The following SEPHS1 variants were observed in gnomAD, a reference collection of about 807,000 sequenced individuals.
The protein encoded by SEPHS1 is zincore component SEPHS1.
A neutral mutation model predicts 39.2 loss-of-function variants in SEPHS1; 7 were observed. That is an observed-to-expected ratio of 0.18 (90% CI 0.10 to 0.34). The LOEUF is 0.34. Among genes scored for constraint, SEPHS1 ranks in the 10% least tolerant of loss-of-function variants. SEPHS1 has a pLI of 1.00. For synonymous variants in SEPHS1, 190 were observed against 195.5 expected (o/e 0.97, Z 0.23); for missense variants, 253 against 514.5 (o/e 0.49, Z 4.92).
chr10:13,340,093 C>A (rs186363665), intron 2 of SEPHS1, among the ~76,000 whole-genome samples: 128 of 152,196 alleles, frequency 8.4e-4, no homozygotes, highest in Non-Finnish European at 4.0e-4. Context: ...ACTAAAACGA[C>A]CTTTAATATT....
At chr10:13,338,897 A>G (rs765493987) in intron 2 of SEPHS1, 89 bp from the exon 3 acceptor site, 1 of 955,204 alleles carries the variant, frequency 1.0e-6, no homozygotes, top group African/African-American at 1.6e-5. Context: ...GGAAGAGCTC[A>G]TAAGATACTT....
At chr10:13,320,875 G>T (rs942081790) in intron 8 of SEPHS1, among the ~76,000 whole-genome samples, 3 of 152,140 alleles carry the variant, frequency 2.0e-5, no homozygotes, top group African/African-American at 7.2e-5. Context: ...AAATTTAAAT[G>T]GCTGGTAACA....
chr10:13,326,507 G>A (rs1450204330), intron 7 of SEPHS1, among the ~76,000 whole-genome samples: 1 of 150,088 alleles, frequency 6.7e-6, no homozygotes, highest in Non-Finnish European at 1.5e-5. Flanking sequence ...ACTATAATAT[G>A]GACCTACCTC....
intron 7 of SEPHS1, among the ~76,000 whole-genome samples, chr10:13,327,604 C>A (rs960913103): frequency 6.6e-6 from 1 of 152,292 alleles, no homozygotes; most frequent in Admixed American, 6.5e-5. Flanking sequence ...AAAACGCTTT[C>A]TAAACATAGT....
intron 5 of SEPHS1, among the ~76,000 whole-genome samples, chr10:13,332,849 A>C (rs560767835): frequency 1.3e-5 from 2 of 152,058 alleles, no homozygotes; most frequent in African/African-American, 2.4e-5. Context: ...TCTCAAAAAA[A>C]AAAAACAAAA....
intron 1 of SEPHS1, among the ~76,000 whole-genome samples, chr10:13,347,545 G>A (rs1261209588): frequency 8.8e-5 from 13 of 146,916 alleles, no homozygotes; most frequent in Non-Finnish European, 1.7e-4. Context: ...CCAGGAGCCG[G>A]GGAGGACGCC....
At chr10:13,332,434 A>G (rs556524848) in intron 5 of SEPHS1, among the ~76,000 whole-genome samples, 1 of 152,320 alleles carries the variant, frequency 6.6e-6, no homozygotes, top group South Asian at 2.1e-4. Flanking sequence ...GGAATTGGAT[A>G]GTGGTGATGG....
intron 2 of SEPHS1, among the ~76,000 whole-genome samples, chr10:13,342,357 G>T (rs1365308832): frequency 2.6e-5 from 4 of 151,978 alleles, no homozygotes; most frequent in Admixed American, 2.6e-4. Context: ...GAGGTGGGTG[G>T]ATAACCTGAG....
Position 13,317,533 on chromosome 10 carries a change from T to C in SEPHS1, c.*1609A>G, listed in dbSNP as rs1317263023. 1 of 152,238 alleles carries C rather than the reference T, an allele frequency of 6.6e-6. No homozygotes were observed. Among genetic ancestry groups the C allele is most frequent in the East Asian group, 1.9e-4 (1 of 5,202 alleles). 9.4% of individuals were successfully genotyped at this position (152,238 alleles called of 1,614,324 possible). Reference sequence around the variant, plus strand: ...ATTCCTATAAAATGTCCAATCACTTTCAGTTCCGTAGCAGGCTCTTCCATA... The same window carrying C: ...ATTCCTATAAAATGTCCAATCACTTCCAGTTCCGTAGCAGGCTCTTCCATA... On this transcript the variant is annotated 3_prime_UTR_variant, in exon 9 of 9. Coordinates refer to ENST00000327347, the MANE Select transcript of SEPHS1 (RefSeq NM_012247.5).
rs1832990484 is a variant in SEPHS1 at position 13,317,881 on chromosome 10, A to T, written c.*1261T>A. On this transcript the variant is annotated 3_prime_UTR_variant, in exon 9 of 9. Coordinates refer to ENST00000327347, the MANE Select transcript of SEPHS1 (RefSeq NM_012247.5). ...ATATAAGGAAGCCTCCACTTTACATAACACAGAGAACACCTTTTTAGATTG... is the reference window on the plus strand; with the variant it reads ...ATATAAGGAAGCCTCCACTTTACATTACACAGAGAACACCTTTTTAGATTG... 1 of 152,186 alleles carries T rather than the reference A, an allele frequency of 6.6e-6. No individual in the cohort carries two copies. The highest frequency in any genetic ancestry group is 2.4e-5 in the African/African-American group (1 of 41,436). 9.4% of individuals were successfully genotyped at this position (152,186 alleles called of 1,614,324 possible).
At chr10:13,341,351 A>G (rs1466495259) in intron 2 of SEPHS1, among the ~76,000 whole-genome samples, 2 of 152,272 alleles carry the variant, frequency 1.3e-5, no homozygotes, top group East Asian at 3.9e-4. Context: ...AATGACCAGG[A>G]GGCAATGGGC....
intron 7 of SEPHS1, among the ~76,000 whole-genome samples, chr10:13,323,305 G>T (rs1008547976): frequency 6.6e-6 from 1 of 152,122 alleles, no homozygotes; most frequent in African/African-American, 2.4e-5. Flanking sequence ...GAGGGATTAT[G>T]ATCTCAGTGG....
intron 7 of SEPHS1, among the ~76,000 whole-genome samples, chr10:13,327,308 A>G (rs895825325): frequency 6.6e-6 from 1 of 151,620 alleles, no homozygotes; most frequent in Admixed American, 6.6e-5. Flanking sequence ...TAGTCATGTC[A>G]AAACAACAAA....
Position 13,340,237 on chromosome 10 carries a change from A to G in SEPHS1, c.194-1429T>C, listed in dbSNP as rs12265313. 2.1e-3 allele frequency among the ~76,000 whole-genome samples: 321 copies of G among 152,100 alleles called. 1 individual carries two copies. The highest frequency in any genetic ancestry group is 7.5e-3 in the African/African-American group (311 of 41,510). On this transcript the variant is annotated intron_variant, in intron 2 of 8. Coordinates refer to ENST00000327347, the MANE Select transcript of SEPHS1 (RefSeq NM_012247.5). ...GAAATCTCACTCAATAAAAAGCCAT[A>G]GTCTGTGAAGACAGGCTGATTTTTA...
chr10:13,346,491 C>A (rs940535541), intron 1 of SEPHS1, among the ~76,000 whole-genome samples: 7 of 152,134 alleles, frequency 4.6e-5, no homozygotes, highest in African/African-American at 1.7e-4. Context: ...CGGTGGGAAA[C>A]GTAACAACTG....
intron 5 of SEPHS1, among the ~76,000 whole-genome samples, 173 bp from the exon 6 acceptor site, chr10:13,329,961 C>A (rs1833417792): frequency 1.3e-5 from 2 of 152,202 alleles, no homozygotes; most frequent in Non-Finnish European, 2.9e-5. Context: ...GCTACTGAGG[C>A]TATTGCTGGA....
At chr10:13,343,733 G>A (rs1341849365) in intron 2 of SEPHS1, among the ~76,000 whole-genome samples, 1 of 152,112 alleles carries the variant, frequency 6.6e-6, no homozygotes, top group Non-Finnish European at 1.5e-5. Flanking sequence ...AGAATCGCAT[G>A]AACCCAGGAG....
chr10:13,333,132 T>C (rs1439117420), intron 5 of SEPHS1, among the ~76,000 whole-genome samples: 1 of 139,806 alleles, frequency 7.2e-6, no homozygotes, highest in Non-Finnish European at 1.5e-5. Flanking sequence ...TCTTAATACA[T>C]CTATTTTTTT....
chr10:13,322,831 G>A lies in SEPHS1; in HGVS notation c.964+4C>T. On this transcript the variant is annotated splice_donor_region_variant and intron_variant, in intron 8 of 8. Coordinates refer to ENST00000327347, the MANE Select transcript of SEPHS1 (RefSeq NM_012247.5). ...AGTCCTCAGATGCGCCCAGCATCCTGTACCTGAAGTCTCCGGGCAGGTCCC... is the reference window on the plus strand; with the variant it reads ...AGTCCTCAGATGCGCCCAGCATCCTATACCTGAAGTCTCCGGGCAGGTCCC... The A allele has an allele frequency of 6.2e-7, 1 of 1,612,282 alleles. No homozygotes were observed. The highest frequency in any genetic ancestry group is 1.3e-5 in the African/African-American group (1 of 74,982).
Sources: allele counts gnomAD v4.1 joint callset (sites outside exome capture counted in the v4.1 genomes callset), GRCh38; gene constraint gnomAD v4.1.1; transcripts MANE v1.5; gene names NCBI Gene and HGNC (gene_info 2026-07-23, HGNC 2026-07-21).